KIF14: variants seen among roughly 807,000 people sequenced by gnomAD.
The protein encoded by KIF14 is kinesin family member 14.
Under a neutral mutation model 176.2 loss-of-function variants are expected in KIF14, and 98 were observed. The ratio of observed to expected loss-of-function variants is 0.56; its 90% CI spans 0.47 to 0.66. The LOEUF is 0.66. KIF14 is among the 30% of genes least tolerant of loss of function. The pLI is 0.00. For missense variants in KIF14, 1,751 were observed against 1,920.4 expected, an observed-to-expected ratio of 0.91 and a Z score of 1.65; for synonymous variants, 566 against 632.2, an observed-to-expected ratio of 0.90 and a Z score of 1.57.
At chr1:200,605,536 A>G in intron 7 of KIF14, 146 bp from the exon 8 acceptor site, 1 of 541,616 alleles carries the variant, frequency 1.8e-6, no homozygotes, top group Non-Finnish European at 3.2e-6. Context: ...TAACATATAC[A>G]CATTTGTAAT....
chr1:200,553,315 G>A lies in KIF14; in HGVS notation c.*73C>T. ...GTGCTGATTTCTCTTAAACTCTCCTGCATAAAGAAAATTACCGAGCAAGTG... is the reference window on the plus strand; with the variant it reads ...GTGCTGATTTCTCTTAAACTCTCCTACATAAAGAAAATTACCGAGCAAGTG... On this transcript the variant is annotated 3_prime_UTR_variant, in exon 30 of 30. Coordinates refer to ENST00000367350, the MANE Select transcript of KIF14 (RefSeq NM_014875.3). The A allele has an allele frequency of 7.0e-7, 1 of 1,438,828 alleles. No individual in the cohort carries two copies. The highest frequency in any genetic ancestry group is 9.4e-7 in the Non-Finnish European group (1 of 1,066,944). The allele number at this position is 1,438,828 out of a possible 1,614,324, so 89.1% of individuals were successfully genotyped here. A position where few individuals can be genotyped will look rare whatever the true frequency, so the allele number is the denominator to read the frequency against.
Position 200,553,241 on chromosome 1 carries a change from T to C in KIF14, c.*147A>G. On this transcript the variant is annotated 3_prime_UTR_variant, in exon 30 of 30. Transcript: ENST00000367350. ...GTGAGCCACTGTGTCTGGCCTTTGA[T>C]AAATAGATATTTTAAAGATAAAAAG... The C allele has an allele frequency of 1.1e-6, 1 of 873,706 alleles. No homozygotes were observed. The highest frequency in any genetic ancestry group is 1.7e-6 in the Non-Finnish European group (1 of 591,924). 54.1% of individuals were successfully genotyped at this position (873,706 alleles called of 1,614,324 possible).
In KIF14 at chr1:200,560,451, C is replaced by T. The variant is rs561434560; in HGVS notation, c.4230+271G>A. On this transcript the variant is annotated intron_variant, in intron 26 of 29. Coordinates refer to ENST00000367350, the MANE Select transcript of KIF14 (RefSeq NM_014875.3). ...CATGACTGGCTAACTTTTGTATTTT[C>T]AGTAGAGACGGGTGTTTCGCCTATT... Among the ~76,000 whole-genome samples, 462 of 151,938 alleles carry T rather than the reference C, an allele frequency of 3.0e-3. 2 individuals carry two copies. Among genetic ancestry groups the T allele is most frequent in the South Asian group, 5.8e-3 (28 of 4,806 alleles).
In KIF14 at chr1:200,565,259, AAAG is replaced by A. The variant is rs748349015; in HGVS notation, c.3887-9_3887-7del. ...TGCTCGATCAGAAGAAAACACTTTG[AAAG>A]AAGAAGAAAAATTACTGAATGAAAT... On this transcript the variant is annotated splice_polypyrimidine_tract_variant and splice_region_variant and intron_variant, in intron 24 of 29. Transcript: ENST00000367350. 3.2e-6 allele frequency: 5 copies of A among 1,579,162 alleles called. No homozygotes were observed. Among genetic ancestry groups the A allele is most frequent in the African/African-American group, 2.7e-5 (2 of 72,884 alleles).
chr1:200,571,287 C>G (rs573387442), intron 22 of KIF14, among the ~76,000 whole-genome samples: 1 of 146,430 alleles, frequency 6.8e-6, no homozygotes, highest in Non-Finnish European at 1.5e-5. Flanking sequence ...TGCACTCCAG[C>G]CTGGGCGACA....
intron 22 of KIF14, among the ~76,000 whole-genome samples, chr1:200,573,213 A>T (rs1657905846): frequency 6.6e-6 from 1 of 152,100 alleles, no homozygotes; most frequent in Non-Finnish European, 1.5e-5. Flanking sequence ...GACCTCACTT[A>T]ATCTTAATAG....
intron 27 of KIF14, among the ~76,000 whole-genome samples, chr1:200,557,577 C>A (rs1442744647): frequency 6.6e-6 from 1 of 152,138 alleles, no homozygotes; most frequent in Non-Finnish European, 1.5e-5. Context: ...TGTTCCATGT[C>A]TTTCCCCTGT....
At chr1:200,577,956 G>GTT (rs770686668) in intron 21 of KIF14, among the ~76,000 whole-genome samples, 1 of 135,412 alleles carries the variant, frequency 7.4e-6, no homozygotes, top group Admixed American at 7.3e-5. Flanking sequence ...ACACTTTGTT[G>GTT]TTTTTTTTTT....
At chr1:200,572,384 G>A (rs1005797815) in intron 22 of KIF14, among the ~76,000 whole-genome samples, 3 of 151,970 alleles carry the variant, frequency 2.0e-5, no homozygotes, top group Non-Finnish European at 2.9e-5. Flanking sequence ...TCGCTCTATC[G>A]CCCAGGCTGG....
Position 200,603,338 on chromosome 1 carries a change from C to A in KIF14, c.1867G>T (p.Gly623Cys). 6.5e-7 allele frequency: 1 copy of A among 1,539,448 alleles called. No homozygotes were observed. The change falls in exon 10 of 30, where the codon GGT becomes TGT. Residue 623 changes from glycine to cysteine, a missense_variant. Coordinates refer to ENST00000367350, the MANE Select transcript of KIF14 (RefSeq NM_014875.3). ...AHTNGDRLKE[G>C]VSINKSLLTL... ...AGCAAGGACTTATTAATACTCACACCTTCCTGCATGCAAGAAAAAAAAAAT... is the reference window on the plus strand; with the variant it reads ...AGCAAGGACTTATTAATACTCACACATTCCTGCATGCAAGAAAAAAAAAAT...
intron 22 of KIF14, among the ~76,000 whole-genome samples, chr1:200,571,162 A>G (rs2102614246): frequency 6.6e-6 from 1 of 151,998 alleles, no homozygotes; most frequent in South Asian, 2.1e-4. Context: ...AAATGCCCCA[A>G]TTTCTAGCCG....
chr1:200,593,594 C>G, intron 15 of KIF14, 73 bp downstream of exon 15: 1 of 989,980 alleles, frequency 1.0e-6, no homozygotes, highest in Non-Finnish European at 1.6e-6. Flanking sequence ...ATAGAGAAAA[C>G]CAGAACTCAA....
chr1:200,574,529 T>G (rs890748730), intron 22 of KIF14, among the ~76,000 whole-genome samples: 1 of 152,244 alleles, frequency 6.6e-6, no homozygotes, highest in Non-Finnish European at 1.5e-5. Context: ...CAACTGCTCC[T>G]GCCTCTACTT....
chr1:200,565,472 C>G lies in KIF14; in HGVS notation c.3859G>C (p.Glu1287Gln), dbSNP rs1163563746. The change falls in exon 24 of 30, where the codon GAA (glutamate) becomes CAA (glutamine). Residue 1287 changes from glutamate (E) to glutamine (Q), a missense_variant. Transcript: ENST00000367350. Reference protein sequence around the residue: ...GLFAISKAHEEQDEESQDNLF... With the variant: ...GLFAISKAHEQQDEESQDNLF... ...TTATCTTGACTTTCTTCATCTTGTTCTTCATGAGCCTTGGAAATGGCAAAT... is the reference window on the plus strand; with the variant it reads ...TTATCTTGACTTTCTTCATCTTGTTGTTCATGAGCCTTGGAAATGGCAAAT... 8 of 1,598,594 alleles carry G rather than the reference C, an allele frequency of 5.0e-6. No individual in the cohort carries two copies. The highest frequency in any genetic ancestry group is 6.8e-6 in the Non-Finnish European group (8 of 1,176,006).
At chr1:200,596,888 C>CTCT (rs1339659137) in intron 14 of KIF14, among the ~76,000 whole-genome samples, 7 of 99,214 alleles carry the variant, frequency 7.1e-5, no homozygotes, top group African/African-American at 2.9e-4. Flanking sequence ...CTCTCTCTCT[C>CTCT]TTTTTTTTTT....
At chr1:200,608,781 T>C (rs1446067269) in intron 5 of KIF14, 49 bp downstream of exon 5, 11 of 1,156,008 alleles carry the variant, frequency 9.5e-6, no homozygotes, top group Non-Finnish European at 1.4e-5. Flanking sequence ...ATTAGATACA[T>C]TTATAAGAAC....
intron 25 of KIF14, among the ~76,000 whole-genome samples, chr1:200,564,118 C>T (rs947406947): frequency 2.0e-5 from 3 of 151,778 alleles, no homozygotes; most frequent in African/African-American, 7.3e-5. Flanking sequence ...AAAAATTAGC[C>T]GAGCATGGTG....
intron 5 of KIF14, 136 bp downstream of exon 5, chr1:200,608,694 T>G (rs968859555): frequency 1.7e-6 from 1 of 605,520 alleles, no homozygotes; most frequent in African/African-American, 1.9e-5. Context: ...ATAATCTAAT[T>G]GGACTGTAGA....
chr1:200,573,104 C>A (rs1305557443), intron 22 of KIF14, among the ~76,000 whole-genome samples: 2 of 152,192 alleles, frequency 1.3e-5, no homozygotes, highest in African/African-American at 4.8e-5. Flanking sequence ...TATCTCTAAT[C>A]CTCGTAACAA....
Sources: gnomAD v4.1 joint callset for allele counts (sites outside exome capture counted in the v4.1 genomes callset) on GRCh38, gnomAD v4.1.1 for gene constraint, MANE v1.5 for transcripts, NCBI Gene and HGNC (gene_info 2026-07-23, HGNC 2026-07-21) for gene names.